BUB1B: variants seen among roughly 807,000 people sequenced by gnomAD.
The protein encoded by BUB1B is BUB1 mitotic checkpoint serine/threonine kinase B, also known as mitotic checkpoint serine/threonine-protein kinase BUB1 beta.
Under a neutral mutation model 137.7 loss-of-function variants are expected in BUB1B, and 86 were observed. That is an observed-to-expected ratio of 0.62 (90% confidence interval 0.52 to 0.75). The LOEUF (loss-of-function observed/expected upper bound fraction) is 0.75. BUB1B is among the 30% of genes least tolerant of loss of function. The pLI is 0.00. For missense variants in BUB1B, 1,130 were observed against 1,236.9 expected (o/e 0.91, Z 1.30); for synonymous variants, 420 against 417.9 (o/e 1.00, Z -0.06).
rs1253395718 is a variant in BUB1B, at chr15:40,220,992, A to G, written c.*233A>G. On this transcript the variant is annotated 3_prime_UTR_variant, in exon 23 of 23. Coordinates refer to ENST00000287598, the MANE Select transcript of BUB1B (RefSeq NM_001211.6). ...GAACTATTTTATTCTAAACAGACTC[A>G]TTACAAATGGTTACCTTGTTATTTA... 3 of 553,070 alleles carry G rather than the reference A, an allele frequency of 5.4e-6. No individual in the cohort carries two copies. Among genetic ancestry groups the G allele is most frequent in the Non-Finnish European group, 9.7e-6 (3 of 309,378 alleles). 34.3% of individuals were successfully genotyped at this position (553,070 alleles called of 1,614,324 possible). A position where few individuals can be genotyped will look rare whatever the true frequency, so the allele number is the denominator to read the frequency against.
intron 20 of BUB1B, among the ~76,000 whole-genome samples, chr15:40,215,651 C>G (rs1483096293): frequency 2.0e-5 from 3 of 152,116 alleles, no homozygotes; most frequent in Admixed American, 6.5e-5. Context: ...TGCCTGTAGT[C>G]CCAGCTACTC....
At chr15:40,167,778 A>T (rs546510357) in intron 2 of BUB1B, among the ~76,000 whole-genome samples, 2 of 148,040 alleles carry the variant, frequency 1.4e-5, no homozygotes, top group South Asian at 2.1e-4. Flanking sequence ...CATTTGTTAG[A>T]TTTTTTTTTT....
At chr15:40,186,308 A>G (rs2037359667) in intron 8 of BUB1B, among the ~76,000 whole-genome samples, 1 of 152,068 alleles carries the variant, frequency 6.6e-6, no homozygotes, top group East Asian at 1.9e-4. Flanking sequence ...TTCCTTCTGG[A>G]CATATTTTTC....
chr15:40,220,915 TA>T lies in BUB1B; in HGVS notation c.*157del. On this transcript the variant is annotated 3_prime_UTR_variant, in exon 23 of 23. Coordinates refer to ENST00000287598, the MANE Select transcript of BUB1B (RefSeq NM_001211.6). ...TACAGGTATATTTTGACGTCACTGA[TA>T]TTTTTTATACAGTGATATACTTACT... The T allele has an allele frequency of 1.3e-6, 1 of 787,934 alleles. No individual in the cohort carries two copies. 48.8% of individuals were successfully genotyped at this position (787,934 alleles called of 1,614,324 possible).
intron 9 of BUB1B, 82 bp downstream of exon 9, chr15:40,196,856 A>T: frequency 7.9e-7 from 1 of 1,269,934 alleles, no homozygotes; most frequent in Non-Finnish European, 1.1e-6. Context: ...GAAGAAAACT[A>T]ACCTTATAGT....
chr15:40,216,569 ATATT>A (rs1237011572), intron 20 of BUB1B, among the ~76,000 whole-genome samples: 4,195 of 55,956 alleles, frequency 0.075, 79 homozygotes, highest in Non-Finnish European at 0.092. Flanking sequence ...ATATATATAT[ATATT>A]TTTTTTTTTT....
rs1329658784 is a variant in BUB1B at position 40,176,343 on chromosome 15, C to T, written c.385-134C>T. 3.5e-6 allele frequency: 3 copies of T among 854,314 alleles called. No homozygotes were observed. The East Asian group carries it at 7.9e-5, about 23-fold the overall frequency. The allele number at this position is 854,314 out of a possible 1,614,324, so 52.9% of individuals were successfully genotyped here. A position where few individuals can be genotyped will look rare whatever the true frequency, so the allele number is the denominator to read the frequency against. ...CTTTTTTAGGTCCTCCCAGTATGGT[C>T]CTTATCACATTGTAATAATAGATTT... On this transcript the variant is annotated intron_variant, in intron 4 of 22. Coordinates refer to ENST00000287598, the MANE Select transcript of BUB1B (RefSeq NM_001211.6).
chr15:40,205,277 C>T (rs1447331077), intron 14 of BUB1B, among the ~76,000 whole-genome samples: 1 of 152,040 alleles, frequency 6.6e-6, no homozygotes, highest in Non-Finnish European at 1.5e-5. Flanking sequence ...TACTTTGTTT[C>T]TTCCAGATGT....
chr15:40,215,064 C>T (rs1595536343), intron 20 of BUB1B, among the ~76,000 whole-genome samples: 2 of 152,346 alleles, frequency 1.3e-5, no homozygotes, highest in Non-Finnish European at 1.5e-5. Context: ...ACCCTTCTCT[C>T]AGCCACTAGA....
intron 20 of BUB1B, among the ~76,000 whole-genome samples, chr15:40,214,236 A>T (rs918288371): frequency 3.9e-5 from 6 of 152,200 alleles, no homozygotes; most frequent in Non-Finnish European, 8.8e-5. Flanking sequence ...ATGCCAAGGA[A>T]TGGGGTTTAG....
chr15:40,210,348 AT>A, intron 18 of BUB1B, 138 bp downstream of exon 18: 37 of 749,682 alleles, frequency 4.9e-5, no homozygotes, highest in Non-Finnish European at 6.2e-5. Context: ...TTTCAGTTTC[AT>A]TTTTTTTAGG....
chr15:40,183,529 C>T (rs916164131), intron 5 of BUB1B, among the ~76,000 whole-genome samples, 185 bp from the exon 6 acceptor site: 1 of 152,132 alleles, frequency 6.6e-6, no homozygotes, highest in African/African-American at 2.4e-5. Flanking sequence ...ATAATTCTAG[C>T]CAAAACTTTT....
At position 40,210,659 on chromosome 15, in the gene BUB1B, G is replaced by A. The variant is rs556921929; in HGVS notation, c.2385+449G>A. 1.8e-4 allele frequency among the ~76,000 whole-genome samples: 27 copies of A among 152,134 alleles called. No individual in the cohort carries two copies. The East Asian group carries it at 5.0e-3, about 28-fold the overall frequency. On this transcript the variant is annotated intron_variant, in intron 18 of 22. Transcript: ENST00000287598. ...GGAATAGCTGGGACCGTAGGTGCAC[G>A]CCACCACTCCCAGCTAATTATTTTT... is the stretch of plus-strand genomic sequence containing the variant.
intron 15 of BUB1B, among the ~76,000 whole-genome samples, chr15:40,206,734 C>G (rs1372336469): frequency 6.6e-6 from 1 of 152,146 alleles, no homozygotes; most frequent in Non-Finnish European, 1.5e-5. Context: ...GTGTACATGA[C>G]TGACGAAAAG....
At chr15:40,199,846 G>A in intron 10 of BUB1B, 119 bp downstream of exon 10, 1 of 796,262 alleles carries the variant, frequency 1.3e-6, no homozygotes, top group East Asian at 2.7e-5. Flanking sequence ...TAGTTTCTTA[G>A]CTGTTAGTAG....
intron 12 of BUB1B, among the ~76,000 whole-genome samples, chr15:40,202,039 ATTG>A (rs1265673700): frequency 6.6e-6 from 1 of 152,140 alleles, no homozygotes; most frequent in Non-Finnish European, 1.5e-5. Flanking sequence ...ATATTCATAA[ATTG>A]TTCATTTTAT....
chr15:40,167,247 G>T (rs2037110368), intron 2 of BUB1B, among the ~76,000 whole-genome samples: 1 of 144,402 alleles, frequency 6.9e-6, no homozygotes, highest in African/African-American at 2.6e-5. Flanking sequence ...TTTCTTTTAT[G>T]GTTAGCATTT....
At chr15:40,216,692 C>T (rs1402820570) in intron 20 of BUB1B, among the ~76,000 whole-genome samples, 5 of 150,076 alleles carry the variant, frequency 3.3e-5, no homozygotes, top group South Asian at 4.2e-4. Flanking sequence ...CATTCTGTGC[C>T]GTGGAGGTAT....
intron 16 of BUB1B, among the ~76,000 whole-genome samples, 185 bp downstream of exon 16, chr15:40,208,955 C>A (rs2037674016): frequency 6.6e-6 from 1 of 152,064 alleles, no homozygotes; most frequent in African/African-American, 2.4e-5. Context: ...GTAGCTGGGA[C>A]CACAACTGTG....
Sources: gnomAD v4.1 joint callset for allele counts (sites outside exome capture counted in the v4.1 genomes callset) on GRCh38, gnomAD v4.1.1 for gene constraint, MANE v1.5 for transcripts, NCBI Gene and HGNC (gene_info 2026-07-23, HGNC 2026-07-21) for gene names.